SUGCT: variants seen among roughly 807,000 people sequenced by gnomAD.
SUGCT encodes the protein succinyl-CoA:glutarate-CoA transferase, also known as succinyl-CoA:glutarate CoA-transferase.
SUGCT carries 41 observed loss-of-function variants against 55.0 expected under a neutral mutation model. The ratio of observed to expected loss-of-function variants is 0.74; its 90% confidence interval spans 0.58 to 0.97. SUGCT has a LOEUF of 0.97. Among genes scored for constraint, SUGCT ranks in the 50% least tolerant of loss-of-function variants. The pLI is 0.00. For missense variants in SUGCT, 568 were observed against 547.8 expected (o/e 1.04, Z -0.37); for synonymous variants, 187 against 200.4 (o/e 0.93, Z 0.56).
intron 12 of SUGCT, among the ~76,000 whole-genome samples, chr7:40,587,339 A>G (rs1797436382): frequency 6.6e-6 from 1 of 152,238 alleles, no homozygotes. Context: ...CAGACTTACA[A>G]GTAGATCCAA....
At chr7:40,900,759 A>G in the SUGCT span, among the ~76,000 whole-genome samples, 1 of 152,270 alleles carries the variant, frequency 6.6e-6, no homozygotes, top group African/African-American at 2.4e-5. Flanking sequence ...AAAGGAACTT[A>G]GGACAGAGTA....
At chr7:40,922,805 T>C in the SUGCT span, among the ~76,000 whole-genome samples, 16 of 152,336 alleles carry the variant, frequency 1.1e-4, no homozygotes, top group Non-Finnish European at 2.1e-4. Context: ...CATAGCTGAC[T>C]TGCCTTCAGA....
intron 9 of SUGCT, among the ~76,000 whole-genome samples, chr7:40,422,307 T>C (rs953275936): frequency 6.6e-6 from 1 of 152,186 alleles, no homozygotes; most frequent in African/African-American, 2.4e-5. Context: ...ACTAGCATTT[T>C]TGAGTTGTTG....
intron 1 of SUGCT, among the ~76,000 whole-genome samples, chr7:40,147,747 G>A (rs1046382713): frequency 5.3e-5 from 8 of 152,330 alleles, no homozygotes; most frequent in Middle Eastern, 6.8e-3. Flanking sequence ...CCACAAGGGG[G>A]CGGGGCGGAC....
chr7:40,951,080 A>T, the SUGCT span, among the ~76,000 whole-genome samples: 2 of 152,100 alleles, frequency 1.3e-5, no homozygotes, highest in Non-Finnish European at 2.9e-5. Context: ...CTGTGAATCC[A>T]TCTGGTCCTG....
At chr7:40,570,643 G>C (rs1370592889) in intron 12 of SUGCT, among the ~76,000 whole-genome samples, 1 of 152,116 alleles carries the variant, frequency 6.6e-6, no homozygotes, top group Non-Finnish European at 1.5e-5. Flanking sequence ...CTTTTCCCCA[G>C]CTGCTTCCTT....
chr7:40,837,639 A>C (rs1394346076), intron 13 of SUGCT, among the ~76,000 whole-genome samples: 3 of 152,094 alleles, frequency 2.0e-5, no homozygotes, highest in Non-Finnish European at 4.4e-5. Flanking sequence ...GCTGGAGTGC[A>C]ATGGCACAAT....
intron 12 of SUGCT, among the ~76,000 whole-genome samples, chr7:40,554,731 T>C (rs1351315731): frequency 6.6e-6 from 1 of 152,234 alleles, no homozygotes; most frequent in Non-Finnish European, 1.5e-5. Flanking sequence ...CAGTTTCTCA[T>C]ATATTTTCCT....
intron 9 of SUGCT, among the ~76,000 whole-genome samples, chr7:40,341,113 C>T (rs1797019426): frequency 6.6e-6 from 1 of 152,182 alleles, no homozygotes; most frequent in Non-Finnish European, 1.5e-5. Context: ...TTAGTGAATT[C>T]TTGTTTACAT....
chr7:41,025,529 C>T, the SUGCT span, among the ~76,000 whole-genome samples: 49 of 151,884 alleles, frequency 3.2e-4, no homozygotes, highest in Non-Finnish European at 8.8e-5. Flanking sequence ...ACCACCACTA[C>T]TAAAAATAGT....
chr7:40,502,099 A>G (rs1412057289), intron 12 of SUGCT, among the ~76,000 whole-genome samples: 2 of 152,072 alleles, frequency 1.3e-5, no homozygotes, highest in African/African-American at 4.8e-5. Context: ...GATACATAAA[A>G]TATATTTTGA....
At chr7:40,435,948 T>TC (rs1292456847) in intron 9 of SUGCT, among the ~76,000 whole-genome samples, 3 of 141,958 alleles carry the variant, frequency 2.1e-5, no homozygotes, top group African/African-American at 7.5e-5. Context: ...TTCTTTTCTT[T>TC]TTTTTTTTTT....
chr7:40,288,751 CT>C (rs1244835432), intron 8 of SUGCT, among the ~76,000 whole-genome samples: 1 of 151,588 alleles, frequency 6.6e-6, no homozygotes, highest in Non-Finnish European at 1.5e-5. Flanking sequence ...AAATATTTTC[CT>C]TTCAAAATGT....
rs58703107 is a variant in SUGCT, at chr7:40,839,117, A to G, written c.1154-21199A>G. On this transcript the variant is annotated intron_variant, in intron 13 of 13. Coordinates refer to ENST00000335693, the MANE Select transcript of SUGCT (RefSeq NM_001193313.2). The stretch of plus-strand genomic sequence containing the variant: ...TTACTGGAATAAATTCTACTTGTTC[A>G]TGGTGAATACTTCTTTTTTATACAT... Among the ~76,000 whole-genome samples, 1,038 of 152,278 alleles carry G rather than the reference A, an allele frequency of 6.8e-3. 11 individuals are homozygous for G. The highest frequency in any genetic ancestry group is 0.024 in the African/African-American group (990 of 41,562).
the SUGCT span, among the ~76,000 whole-genome samples, chr7:41,033,637 G>A: frequency 2.0e-5 from 3 of 152,116 alleles, no homozygotes; most frequent in African/African-American, 4.8e-5. Flanking sequence ...ATGTGCACAT[G>A]CAGGAATTTC....
rs539408995 is a variant in SUGCT, at chr7:40,242,001, C to T, written c.576+4275C>T. Among the ~76,000 whole-genome samples, 29 of 151,450 alleles carry T rather than the reference C, an allele frequency of 1.9e-4. No homozygotes were observed. In the South Asian group the frequency reaches 6.1e-3, roughly 32 times the overall value. ...GACCTTTACTAAATCTAAAATCCAG[C>T]CTTTTACGTATGCTGTGGTGTTGTC... On this transcript the variant is annotated intron_variant, in intron 7 of 13. Coordinates refer to ENST00000335693, the MANE Select transcript of SUGCT (RefSeq NM_001193313.2).
At position 40,575,771 on chromosome 7, in the gene SUGCT, C is replaced by A. The variant is rs527912108; in HGVS notation, c.1089+79385C>A. ...GACCAGCCTGGCCAACATAGTGAAA[C>A]CCTGTCTCTACTCAAAATACAGAAT... is the stretch of plus-strand genomic sequence containing the variant. On this transcript the variant is annotated intron_variant, in intron 12 of 13. Coordinates refer to ENST00000335693, the MANE Select transcript of SUGCT (RefSeq NM_001193313.2). 4.6e-5 allele frequency among the ~76,000 whole-genome samples: 7 copies of A among 151,874 alleles called. No homozygotes were observed. In the South Asian group the frequency reaches 1.3e-3, roughly 27 times the overall value.
At chr7:40,351,819 T>C (rs1194679395) in intron 9 of SUGCT, among the ~76,000 whole-genome samples, 1 of 152,228 alleles carries the variant, frequency 6.6e-6, no homozygotes, top group Non-Finnish European at 1.5e-5. Context: ...TCAAATGATA[T>C]ATGTGGATTA....
At chr7:41,007,030 G>A in the SUGCT span, among the ~76,000 whole-genome samples, 43 of 152,080 alleles carry the variant, frequency 2.8e-4, no homozygotes, top group African/African-American at 9.4e-4. Flanking sequence ...AAGAAGAAGG[G>A]CCTCAGAGAG....
Sources: gnomAD v4.1 joint callset for allele counts (sites outside exome capture counted in the v4.1 genomes callset) on GRCh38, gnomAD v4.1.1 for gene constraint, MANE v1.5 for transcripts, NCBI Gene and HGNC (gene_info 2026-07-23, HGNC 2026-07-21) for gene names.